Variants in SLC35F4 observed in about 807,000 individuals in gnomAD.
The protein encoded by SLC35F4 is chromosome 14 open reading frame 36.
Under a neutral mutation model 44.2 loss-of-function variants are expected in SLC35F4, and 24 were observed. The ratio of observed to expected loss-of-function variants is 0.54; its 90% CI spans 0.39 to 0.76. The LOEUF (loss-of-function observed/expected upper bound fraction) is 0.76. Ranked by LOEUF, SLC35F4 falls within the 30% of genes least tolerant of loss-of-function variation. The pLI, the probability that SLC35F4 is intolerant of heterozygous loss-of-function variation, is 0.00. For missense variants in SLC35F4, 562 were observed against 586.1 expected, an observed-to-expected ratio of 0.96 and a Z score of 0.42; for synonymous variants, 238 against 223.6, an observed-to-expected ratio of 1.06 and a Z score of -0.57.
At chr14:57,776,389 C>T (rs2077487787) in intron 1 of SLC35F4, among the ~76,000 whole-genome samples, 2 of 151,982 alleles carry the variant, frequency 1.3e-5, no homozygotes, top group African/African-American at 4.8e-5. Context: ...AACATTAAAG[C>T]CTGGGCATGG....
chr14:57,587,371 C>T (rs1446966835), intron 3 of SLC35F4, among the ~76,000 whole-genome samples: 2 of 152,146 alleles, frequency 1.3e-5, no homozygotes, highest in African/African-American at 4.8e-5. Context: ...TTGGAACGAA[C>T]CCAAATGCCC....
Position 57,674,309 on chromosome 14 carries a change from T to C in SLC35F4, c.104-80185A>G, listed in dbSNP as rs139642544. On this transcript the variant is annotated intron_variant, in intron 1 of 7. Coordinates refer to ENST00000556826, the MANE Select transcript of SLC35F4 (RefSeq NM_001306087.2). ...CCTTTGGGAAAAGGTTTGTCAGTTT[T>C]AAAAATAACACTGAACATAGGCCTA... Among the ~76,000 whole-genome samples, 243 of 152,246 alleles carry C rather than the reference T, an allele frequency of 1.6e-3. 3 individuals are homozygous for C. The highest frequency in any genetic ancestry group is 0.014 in the Middle Eastern group (4 of 294).
chr14:57,968,178 C>T (rs573297234), intron 1 of SLC35F4, among the ~76,000 whole-genome samples: 1 of 152,288 alleles, frequency 6.6e-6, no homozygotes, highest in East Asian at 1.9e-4. Flanking sequence ...TCAACAAGTG[C>T]AGATCTACTT....
intron 1 of SLC35F4, among the ~76,000 whole-genome samples, chr14:57,699,494 T>C (rs573922783): frequency 3.3e-5 from 5 of 152,322 alleles, no homozygotes; most frequent in African/African-American, 1.2e-4. Flanking sequence ...CCAGGAAGTG[T>C]GGCTCATGAA....
chr14:57,905,064 G>A (rs1382775687), intron 1 of SLC35F4, among the ~76,000 whole-genome samples: 3 of 152,194 alleles, frequency 2.0e-5, no homozygotes, highest in African/African-American at 4.8e-5. Context: ...ATTTGGGCGT[G>A]TCTTTGGCTA....
chr14:57,773,799 C>T (rs1166217187), intron 1 of SLC35F4, among the ~76,000 whole-genome samples: 1 of 152,140 alleles, frequency 6.6e-6, no homozygotes, highest in African/African-American at 2.4e-5. Flanking sequence ...ATCCCCAGAT[C>T]TCTAATAGAA....
At chr14:57,947,980 T>C (rs536670981) in intron 1 of SLC35F4, among the ~76,000 whole-genome samples, 14 of 152,272 alleles carry the variant, frequency 9.2e-5, no homozygotes, top group African/African-American at 3.1e-4. Flanking sequence ...TATTGGTCTA[T>C]AGTTTTCTTT....
At chr14:57,622,925 C>T (rs1295377656) in intron 1 of SLC35F4, among the ~76,000 whole-genome samples, 1 of 152,040 alleles carries the variant, frequency 6.6e-6, no homozygotes, top group African/African-American at 2.4e-5. Flanking sequence ...AAATAACTAG[C>T]TAGCATCATA....
chr14:57,727,494 CT>C (rs562362000), intron 1 of SLC35F4, among the ~76,000 whole-genome samples: 65 of 144,898 alleles, frequency 4.5e-4, no homozygotes, highest in East Asian at 1.0e-3. Context: ...TTATTTTTAG[CT>C]TTTTTTTTTT....
chr14:57,960,814 G>C (rs550710748), intron 1 of SLC35F4, among the ~76,000 whole-genome samples: 2 of 152,284 alleles, frequency 1.3e-5, no homozygotes, highest in Admixed American at 1.3e-4. Flanking sequence ...AAGTTAGGCT[G>C]ACTACCAAGG....
chr14:57,855,073 C>T (rs974341807), intron 1 of SLC35F4, among the ~76,000 whole-genome samples: 1 of 152,214 alleles, frequency 6.6e-6, no homozygotes, highest in Non-Finnish European at 1.5e-5. Flanking sequence ...TTCATTTCCT[C>T]ATAATTATAA....
chr14:57,819,894 G>A (rs1882991191), intron 1 of SLC35F4, among the ~76,000 whole-genome samples: 2 of 151,788 alleles, frequency 1.3e-5, no homozygotes, highest in South Asian at 4.2e-4. Flanking sequence ...ACAGTACTTA[G>A]GACTGTGTGG....
At chr14:57,835,422 AAC>A (rs1566892136) in intron 1 of SLC35F4, among the ~76,000 whole-genome samples, 1 of 152,314 alleles carries the variant, frequency 6.6e-6, no homozygotes, top group Admixed American at 6.5e-5. Flanking sequence ...TGCATAAATC[AAC>A]AGTTTCTAAC....
At chr14:57,595,082 G>A (rs1022403489) in intron 1 of SLC35F4, among the ~76,000 whole-genome samples, 1 of 152,080 alleles carries the variant, frequency 6.6e-6, no homozygotes, top group African/African-American at 2.4e-5. Flanking sequence ...TATCACTAAT[G>A]TCCTTTTTCT....
chr14:57,880,251 T>G (rs1213437328), intron 1 of SLC35F4, among the ~76,000 whole-genome samples: 4 of 152,210 alleles, frequency 2.6e-5, no homozygotes, highest in Non-Finnish European at 5.9e-5. Flanking sequence ...AATTTGCATT[T>G]GTTTGCATGT....
chr14:57,975,914 T>C (rs1439662534), downstream of SLC35F4, among the ~76,000 whole-genome samples: 2 of 152,230 alleles, frequency 1.3e-5, no homozygotes, highest in African/African-American at 4.8e-5. Flanking sequence ...GCAAGACTTA[T>C]AGTGGCAACA....
intron 1 of SLC35F4, among the ~76,000 whole-genome samples, chr14:57,750,179 G>C (rs1183930660): frequency 6.6e-6 from 1 of 151,992 alleles, no homozygotes; most frequent in Non-Finnish European, 1.5e-5. Flanking sequence ...TTAAGATAAT[G>C]ATGTCCATTT....
At chr14:57,773,122 G>C (rs59876494) in intron 1 of SLC35F4, among the ~76,000 whole-genome samples, 24,365 of 152,048 alleles carry the variant, frequency 0.16, 2,298 homozygotes, top group Admixed American at 0.27. Flanking sequence ...GGGTTTGTTG[G>C]CTGCTTGTAT....
chr14:57,699,471 G>T (rs1471066927), intron 1 of SLC35F4, among the ~76,000 whole-genome samples: 1 of 152,158 alleles, frequency 6.6e-6, no homozygotes, highest in Non-Finnish European at 1.5e-5. Flanking sequence ...TTACGTGCAA[G>T]AATTTCTTGT....
Sources: allele counts gnomAD v4.1 joint callset (sites outside exome capture counted in the v4.1 genomes callset), GRCh38; gene constraint gnomAD v4.1.1; transcripts MANE v1.5; gene names NCBI Gene and HGNC (gene_info 2026-07-23, HGNC 2026-07-21).